The following RGS9 variants were observed in gnomAD, a reference collection of about 807,000 sequenced individuals.
The protein encoded by RGS9 is regulator of G-protein signalling 9.
In RGS9, 78 loss-of-function variants were observed where a neutral mutation model predicts 102.0. That is an observed-to-expected ratio of 0.76 (90% CI 0.64 to 0.92). RGS9 has a LOEUF of 0.92. RGS9 is among the 40% of genes least tolerant of loss of function. The probability of loss-of-function intolerance (pLI) is 0.00; values close to 1 mark genes in which losing one functional copy is unlikely to be tolerated. For missense variants in RGS9, 833 were observed against 866.1 expected, an observed-to-expected ratio of 0.96 and a Z score of 0.48; for synonymous variants, 353 against 318.6, an observed-to-expected ratio of 1.11 and a Z score of -1.15.
chr17:65,139,097 AGCTCTCCCCCCTCCACCCC>A (rs1423719971), intron 1 of RGS9, among the ~76,000 whole-genome samples: 215 of 64,960 alleles, frequency 3.3e-3, no homozygotes, highest in African/African-American at 7.5e-3. Context: ...CCTCCACCCC[AGCTCTCCCCCCTCCACCCC>A]ACCTTTCCCT....
chr17:65,166,440 A>G (rs1911183304), intron 7 of RGS9, among the ~76,000 whole-genome samples: 1 of 152,236 alleles, frequency 6.6e-6, no homozygotes, highest in South Asian at 2.1e-4. Flanking sequence ...TGTGATGTTT[A>G]GCTCAAAAGC....
At chr17:65,147,916 T>A (rs1471981313) in intron 1 of RGS9, among the ~76,000 whole-genome samples, 4 of 152,176 alleles carry the variant, frequency 2.6e-5, no homozygotes, top group Non-Finnish European at 5.9e-5. Flanking sequence ...TTTATTTTAT[T>A]GTGGTGAGAA....
intron 17 of RGS9, among the ~76,000 whole-genome samples, chr17:65,222,682 C>T (rs8066072): frequency 0.072 from 10,965 of 152,270 alleles, 1,310 homozygotes; most frequent in African/African-American, 0.25. Flanking sequence ...CCCTGCTGTA[C>T]ATTCTTTGCA....
chr17:65,157,981 T>C (rs919794152), intron 2 of RGS9, among the ~76,000 whole-genome samples: 1 of 152,094 alleles, frequency 6.6e-6, no homozygotes, highest in African/African-American at 2.4e-5. Context: ...TAACAGACCA[T>C]GTACAAGTTA....
intron 1 of RGS9, among the ~76,000 whole-genome samples, chr17:65,147,295 C>T (rs914972167): frequency 5.3e-5 from 8 of 152,350 alleles, no homozygotes; most frequent in Admixed American, 1.3e-4. Context: ...TGGGTCTGCA[C>T]GCTGGCTGGC....
chr17:65,193,156 A>G (rs546087433), intron 11 of RGS9, among the ~76,000 whole-genome samples: 89 of 150,830 alleles, frequency 5.9e-4, no homozygotes, highest in African/African-American at 2.1e-3. Context: ...CTGTGATCCC[A>G]GCTACTCAGG....
rs8078236 is a variant in RGS9 at position 65,205,340 on chromosome 17, A to G, written c.1203+1039A>G. ...TTATGTGATATAGGCTATTTGATAT[A>G]GGTTATGTGATATAGGTTATATGAG... is the stretch of plus-strand genomic sequence containing the variant. On this transcript the variant is annotated intron_variant, in intron 15 of 18. Transcript: ENST00000262406. 4.6e-3 allele frequency among the ~76,000 whole-genome samples: 697 copies of G among 152,294 alleles called. 5 individuals are homozygous for G. The highest frequency in any genetic ancestry group is 0.015 in the African/African-American group (610 of 41,564).
chr17:65,163,428 G>A (rs536988252), intron 7 of RGS9, among the ~76,000 whole-genome samples: 7 of 152,022 alleles, frequency 4.6e-5, no homozygotes, highest in South Asian at 4.2e-4. Flanking sequence ...TCCTGACCTC[G>A]TGATCAGCCT....
chr17:65,204,280 C>T lies in RGS9; in HGVS notation c.1182C>T (p.His394=). 6.2e-7 allele frequency: 1 copy of T among 1,613,854 alleles called. No individual in the cohort carries two copies. The highest frequency in any genetic ancestry group is 1.1e-5 in the South Asian group (1 of 91,064). The change falls in exon 15 of 19, where the codon CAC becomes CAT. Residue 394 remains histidine (H), a synonymous_variant. Transcript: ENST00000262406. ...ATGTGCTGGACGCCGCACAAACCCACATTTACATGCTCATGAAGAAGGTAG... is the reference window on the plus strand; with the variant it reads ...ATGTGCTGGACGCCGCACAAACCCATATTTACATGCTCATGAAGAAGGTAG... ...HRYVLDAAQT[H]IYMLMKKDSY... is the part of the protein sequence containing the mutation.
In RGS9 at chr17:65,177,715, G is replaced by GT; in HGVS notation, c.583-12dup. ...ACTCTCCCTGTAATGACCTTATGTTGTTTTTATTCCATTTAGCCTGGAATG... is the reference window on the plus strand; with the variant it reads ...ACTCTCCCTGTAATGACCTTATGTTGTTTTTTATTCCATTTAGCCTGGAATG... On this transcript the variant is annotated splice_polypyrimidine_tract_variant and intron_variant, in intron 8 of 18. Transcript: ENST00000262406. The GT allele has an allele frequency of 6.2e-7, 1 of 1,613,122 alleles. No homozygotes were observed. Among genetic ancestry groups the GT allele is most frequent in the South Asian group, 1.1e-5 (1 of 91,064 alleles).
intron 12 of RGS9, among the ~76,000 whole-genome samples, chr17:65,194,219 A>T (rs1350545331): frequency 6.6e-6 from 1 of 152,218 alleles, no homozygotes; most frequent in Non-Finnish European, 1.5e-5. Flanking sequence ...ATCTTGTAGC[A>T]TGGATCAGAA....
chr17:65,182,858 A>AT (rs1187056008), intron 9 of RGS9, among the ~76,000 whole-genome samples: 1 of 152,146 alleles, frequency 6.6e-6, no homozygotes, highest in Non-Finnish European at 1.5e-5. Context: ...GTTTGATTTA[A>AT]TGTTCTGTTA....
At chr17:65,141,660 C>T (rs1910162187) in intron 1 of RGS9, among the ~76,000 whole-genome samples, 1 of 152,092 alleles carries the variant, frequency 6.6e-6, no homozygotes, top group South Asian at 2.1e-4. Flanking sequence ...AAGAAGTGTT[C>T]CATAGGCTGT....
At chr17:65,145,942 C>T (rs907450380) in intron 1 of RGS9, among the ~76,000 whole-genome samples, 1 of 152,126 alleles carries the variant, frequency 6.6e-6, no homozygotes, top group Non-Finnish European at 1.5e-5. Flanking sequence ...GTGACGTTCC[C>T]TCCTCCCACC....
At chr17:65,187,780 G>A (rs1280871583) in intron 9 of RGS9, among the ~76,000 whole-genome samples, 3 of 152,168 alleles carry the variant, frequency 2.0e-5, no homozygotes, top group Non-Finnish European at 1.5e-5. Context: ...GGCGGATCAC[G>A]AGGTCAAGAG....
chr17:65,171,362 G>A (rs865784504), intron 8 of RGS9, among the ~76,000 whole-genome samples: 4 of 152,176 alleles, frequency 2.6e-5, no homozygotes, highest in Admixed American at 6.5e-5. Context: ...CACCATCCCC[G>A]TTATTCAGAT....
At position 65,154,530 on chromosome 17, in the gene RGS9, A is replaced by T. The variant is rs543701601; in HGVS notation, c.154+1012A>T. Among the ~76,000 whole-genome samples the T allele has an allele frequency of 3.0e-4, 45 of 152,216 alleles. No homozygotes were observed. In the South Asian group the frequency reaches 8.9e-3, roughly 30 times the overall value. ...ATGAAACCAAGTAGCAGAAAAAAAA[A>T]TACTATTTAGCAGAAAAAAGTTGGC... On this transcript the variant is annotated intron_variant, in intron 2 of 18. Coordinates refer to ENST00000262406, the MANE Select transcript of RGS9 (RefSeq NM_003835.4).
chr17:65,153,566 C>A, intron 2 of RGS9, 48 bp downstream of exon 2: 1 of 1,382,440 alleles, frequency 7.2e-7, no homozygotes, highest in Non-Finnish European at 1.0e-6. Context: ...ACCCCACAGG[C>A]CCAATACGGC....
chr17:65,171,386 C>T (rs1055773759), intron 8 of RGS9, among the ~76,000 whole-genome samples: 1 of 152,216 alleles, frequency 6.6e-6, no homozygotes, highest in Admixed American at 6.5e-5. Context: ...GAAATTGAGG[C>T]TCATAGAGGT....
Sources: gnomAD v4.1 joint callset for allele counts (sites outside exome capture counted in the v4.1 genomes callset) on GRCh38, gnomAD v4.1.1 for gene constraint, MANE v1.5 for transcripts, NCBI Gene and HGNC (gene_info 2026-07-23, HGNC 2026-07-21) for gene names.